Variants in MUSK observed in about 807,000 individuals in gnomAD.
MUSK encodes the protein muscle, skeletal receptor tyrosine-protein kinase.
Under a neutral mutation model 88.7 loss-of-function variants are expected in MUSK, and 55 were observed. The observed-to-expected ratio is 0.62, with a 90% CI of 0.50 to 0.78. The LOEUF is 0.78. MUSK is among the 30% of genes least tolerant of loss of function. The pLI, the probability that MUSK is intolerant of heterozygous loss-of-function variation, is 0.00. For missense variants in MUSK, 1,015 were observed against 1,074.3 expected (o/e 0.94, Z 0.77); for synonymous variants, 387 against 391.9 (o/e 0.99, Z 0.15).
intron 7 of MUSK, among the ~76,000 whole-genome samples, chr9:110,760,710 C>A (rs946823410): frequency 2.0e-5 from 3 of 152,142 alleles, no homozygotes; most frequent in Non-Finnish European, 4.4e-5. Flanking sequence ...GAATTATGTA[C>A]CCCCGAACCT....
intron 7 of MUSK, among the ~76,000 whole-genome samples, chr9:110,755,877 T>G (rs994091864): frequency 1.4e-5 from 2 of 147,922 alleles, no homozygotes; most frequent in Admixed American, 1.4e-4. Flanking sequence ...TGACTAATAA[T>G]AATAATGTTA....
chr9:110,669,008 T>C lies in MUSK; in HGVS notation c.79+25T>C, dbSNP rs748922389. 6 of 1,580,348 alleles carry C rather than the reference T, an allele frequency of 3.8e-6. No homozygotes were observed. The South Asian group carries it at 5.5e-5, about 15-fold the overall frequency. On this transcript the variant is annotated intron_variant, in intron 1 of 14. Transcript: ENST00000374448. Reference sequence around the variant, plus strand: ...GGTTGGTTTGAGCAATCGTGTCTTCTTGTTGTCTTGTCATGGTTGTAAAGT... The same window carrying C: ...GGTTGGTTTGAGCAATCGTGTCTTCCTGTTGTCTTGTCATGGTTGTAAAGT...
chr9:110,797,663 T>C (rs1217144190), intron 14 of MUSK, among the ~76,000 whole-genome samples: 1 of 152,220 alleles, frequency 6.6e-6, no homozygotes, highest in African/African-American at 2.4e-5. Context: ...TAACAATTCA[T>C]CTTGAAAACA....
intron 7 of MUSK, among the ~76,000 whole-genome samples, chr9:110,758,554 T>C (rs935051982): frequency 1.3e-5 from 2 of 152,138 alleles, no homozygotes; most frequent in Admixed American, 6.5e-5. Flanking sequence ...AACATAGTAC[T>C]AGAAGCCCTG....
At position 110,697,355 on chromosome 9, in the gene MUSK, G is replaced by A. The variant is rs1564226661; in HGVS notation, c.517G>A (p.Gly173Arg). Residue 173 changes from glycine to arginine, a missense_variant, in exon 5 of 15, where the codon GGG becomes AGG. By Grantham distance (125) the Gly-to-Arg change is moderately radical. Transcript: ENST00000374448. ...TTCCCGAATTGCAGTTCTTGAATCT[G>A]GGAGCTTGAGGATTCATAACGTACA... ...ENSRIAVLES[G>R]SLRIHNVQKE... 1.2e-6 allele frequency: 2 copies of A among 1,612,648 alleles called. No individual in the cohort carries two copies. Among genetic ancestry groups the A allele is most frequent in the Non-Finnish European group, 1.7e-6 (2 of 1,179,152 alleles).
At chr9:110,705,988 T>A in intron 5 of MUSK, 1 of 427,992 alleles carries the variant, frequency 2.3e-6, no homozygotes, top group East Asian at 7.1e-5. Flanking sequence ...TTACATCTCA[T>A]CATTAATCCC....
At chr9:110,751,409 G>A (rs778516943) in intron 7 of MUSK, among the ~76,000 whole-genome samples, 1 of 152,148 alleles carries the variant, frequency 6.6e-6, no homozygotes, top group Non-Finnish European at 1.5e-5. Flanking sequence ...ACCAGAATGA[G>A]GATGGGGACA....
chr9:110,752,376 T>C (rs1194509552), intron 7 of MUSK, among the ~76,000 whole-genome samples: 5 of 152,220 alleles, frequency 3.3e-5, no homozygotes, highest in Non-Finnish European at 7.3e-5. Context: ...GAAAGAAGCA[T>C]GGCCTTATGC....
chr9:110,689,847 T>TAA (rs1175662100), intron 3 of MUSK, among the ~76,000 whole-genome samples: 93 of 73,536 alleles, frequency 1.3e-3, no homozygotes, highest in African/African-American at 2.6e-3. Context: ...ACTATATATT[T>TAA]ATATATAACT....
chr9:110,789,447 C>G (rs79793393), intron 14 of MUSK, among the ~76,000 whole-genome samples: 3,174 of 152,304 alleles, frequency 0.021, 47 homozygotes, highest in Non-Finnish European at 0.03. Context: ...TCAGAAGGAA[C>G]AGGTTCCTTT....
At chr9:110,770,100 A>G (rs2077546595) in intron 9 of MUSK, among the ~76,000 whole-genome samples, 1 of 151,670 alleles carries the variant, frequency 6.6e-6, no homozygotes, top group South Asian at 2.1e-4. Flanking sequence ...TGGTTTCTCT[A>G]TTTTTGCATT....
chr9:110,785,385 C>T (rs1231948410), intron 12 of MUSK, 142 bp from the exon 13 acceptor site: 3 of 749,750 alleles, frequency 4.0e-6, no homozygotes, highest in Admixed American at 5.6e-5. Flanking sequence ...TTTTATTGCT[C>T]TCAAAACGAA....
chr9:110,686,839 T>C (rs2076202434), intron 2 of MUSK, among the ~76,000 whole-genome samples: 1 of 152,182 alleles, frequency 6.6e-6, no homozygotes, highest in Admixed American at 6.5e-5. Flanking sequence ...CTTTTCTGAA[T>C]AAAGTAAACT....
chr9:110,673,012 T>C lies in MUSK; in HGVS notation c.79+4029T>C, dbSNP rs936680726. Among the ~76,000 whole-genome samples, 51 of 152,196 alleles carry C rather than the reference T, an allele frequency of 3.4e-4. 1 individual carries two copies. On this transcript the variant is annotated intron_variant, in intron 1 of 14. Transcript: ENST00000374448. ...AAATAGTGCCCTAGTTTAAACGAGC[T>C]CTGGCTGAGATGAAAGCTGGATAGT...
In MUSK at chr9:110,693,350, A is replaced by G. The variant is rs539454930; in HGVS notation, c.359-2053A>G. 2.6e-5 allele frequency among the ~76,000 whole-genome samples: 4 copies of G among 152,104 alleles called. No homozygotes were observed. In the South Asian group the frequency reaches 8.3e-4, roughly 32 times the overall value. ...CACCGGTGTGGCCATTCCAATTGCTAAAATTTTGGAATGCTTCCATACTTC... is the reference window on the plus strand; with the variant it reads ...CACCGGTGTGGCCATTCCAATTGCTGAAATTTTGGAATGCTTCCATACTTC... On this transcript the variant is annotated intron_variant, in intron 3 of 14. Coordinates refer to ENST00000374448, the MANE Select transcript of MUSK (RefSeq NM_005592.4).
At chr9:110,692,121 G>A (rs1329467434) in intron 3 of MUSK, among the ~76,000 whole-genome samples, 1 of 151,766 alleles carries the variant, frequency 6.6e-6, no homozygotes, top group African/African-American at 2.4e-5. Context: ...AGTTTTAGGT[G>A]GGCCTTGTTT....
chr9:110,802,802 A>G lies in MUSK; in HGVS notation c.*1814A>G, dbSNP rs1217888858. Among the ~76,000 whole-genome samples, 1 of 152,224 alleles carries G rather than the reference A, an allele frequency of 6.6e-6. No homozygotes were observed. The highest frequency in any genetic ancestry group is 1.9e-4 in the East Asian group (1 of 5,200). The stretch of plus-strand genomic sequence containing the variant: ...AGATTCTGTAGGATACAACGACAGT[A>G]AGGCGGTCCTTAGTCACAGTTCTGG... On this transcript the variant is annotated 3_prime_UTR_variant, in exon 15 of 15. Transcript: ENST00000374448.
rs2078146521 is a variant in MUSK, at chr9:110,805,131, A to G, written c.*4143A>G. Among the ~76,000 whole-genome samples the G allele has an allele frequency of 6.6e-6, 1 of 151,934 alleles. No homozygotes were observed. Among genetic ancestry groups the G allele is most frequent in the Non-Finnish European group, 1.5e-5 (1 of 67,824 alleles). On this transcript the variant is annotated 3_prime_UTR_variant, in exon 15 of 15. Transcript: ENST00000374448. ...TTCTATTTTTCCATTATAAAATGTAATGTTTGGATCATCCTGTTGCTAAAT... is the reference window on the plus strand; with the variant it reads ...TTCTATTTTTCCATTATAAAATGTAGTGTTTGGATCATCCTGTTGCTAAAT...
At chr9:110,729,544 T>A (rs980706878) in intron 5 of MUSK, among the ~76,000 whole-genome samples, 1 of 151,890 alleles carries the variant, frequency 6.6e-6, no homozygotes, top group African/African-American at 2.4e-5. Flanking sequence ...GTACAGATAA[T>A]GTTTTCTTAT....
Sources: allele counts gnomAD v4.1 joint callset (sites outside exome capture counted in the v4.1 genomes callset), GRCh38; gene constraint gnomAD v4.1.1; transcripts MANE v1.5; gene names NCBI Gene and HGNC (gene_info 2026-07-23, HGNC 2026-07-21).